COL6A3: variants seen among roughly 807,000 people sequenced by gnomAD.
The protein encoded by COL6A3 is collagen alpha-3(VI) chain.
COL6A3 carries 137 observed loss-of-function variants against 274.1 expected under a neutral mutation model. That is an observed-to-expected ratio of 0.50 (90% CI 0.44 to 0.58). The LOEUF is 0.58. COL6A3 is among the 20% of genes least tolerant of loss of function. COL6A3 has a pLI of 0.00. For missense variants in COL6A3, 3,950 were observed against 4,124.9 expected (o/e 0.96, Z 1.16); for synonymous variants, 1,650 against 1,650.6 (o/e 1.00, Z 0.01).
At chr2:237,328,278 T>C (rs6720773) in intron 42 of COL6A3, 63,055 of 151,998 alleles carry the variant, frequency 0.41, 13,338 homozygotes, top group Middle Eastern at 0.5. Flanking sequence ...AGAGAGGAAA[T>C]GGAGGCAAGC....
In COL6A3 at chr2:237,387,995, G is replaced by T. The variant is rs760470608; in HGVS notation, c.899C>A (p.Ser300Tyr). 9 of 1,613,886 alleles carry T rather than the reference G, an allele frequency of 5.6e-6. No homozygotes were observed. The East Asian group carries it at 1.6e-4, about 28-fold the overall frequency. ...PRTMFSLDTY[S>Y]TKAQVLGAVK... Reference sequence around the variant, plus strand: ...TGCACCCAGAACCTGGGCCTTGGTGGAGTAGGTGTCCAAGGAGAACATGGT... The same window carrying T: ...TGCACCCAGAACCTGGGCCTTGGTGTAGTAGGTGTCCAAGGAGAACATGGT... The change falls in exon 4 of 44, where the codon TCC (serine) becomes TAC (tyrosine). Residue 300 changes from serine (S) to tyrosine (Y), a missense_variant. Around this residue, in one of 5 missense-constraint regions of COL6A3, gnomAD observed 1,934 missense variants for 1,984.3 expected, o/e 0.97. Transcript: ENST00000295550.
In COL6A3 at chr2:237,346,665, GACTCCATCACCACGAAAAATCTCTC is replaced by G. The variant is rs559628797; in HGVS notation, c.7030-125_7030-101del. The G allele has an allele frequency of 7.5e-4, 795 of 1,054,786 alleles. 1 individual carries two copies. In the African/African-American group the frequency reaches 0.011, roughly 15 times the overall value. The allele number at this position is 1,054,786 out of a possible 1,614,324, so 65.3% of individuals were successfully genotyped here. A position where few individuals can be genotyped will look rare whatever the true frequency, so the allele number is the denominator to read the frequency against. Reference sequence around the variant, plus strand: ...ACGGTAAAAGTGATCTAACCCAAGGGACTCCATCACCACGAAAAATCTCTCACTTTAAGGGAGCTAAAATGTCTCT... The same window carrying G: ...ACGGTAAAAGTGATCTAACCCAAGGGACTTTAAGGGAGCTAAAATGTCTCT... On this transcript the variant is annotated intron_variant, in intron 31 of 43. Transcript: ENST00000295550.
At chr2:237,395,832 C>T (rs1200721213) in intron 2 of COL6A3, among the ~76,000 whole-genome samples, 1 of 152,170 alleles carries the variant, frequency 6.6e-6, no homozygotes, top group African/African-American at 2.4e-5. Context: ...GCATATTTTT[C>T]AGAGCCAGAA....
chr2:237,358,957 G>A lies in COL6A3; in HGVS notation c.6408+78C>T, dbSNP rs1253597173. Reference sequence around the variant, plus strand: ...TGGAGGAAGCGGGCTTGATGTATATGAGGAAAGAAAATAACTATTCCCTAA... The same window carrying A: ...TGGAGGAAGCGGGCTTGATGTATATAAGGAAAGAAAATAACTATTCCCTAA... On this transcript the variant is annotated intron_variant, in intron 20 of 43. Transcript: ENST00000295550. The A allele has an allele frequency of 3.3e-6, 5 of 1,535,218 alleles. No homozygotes were observed. The African/African-American group carries it at 4.1e-5, about 13-fold the overall frequency.
chr2:237,372,391 G>T, intron 8 of COL6A3, 54 bp from the exon 9 acceptor site: 2 of 1,599,698 alleles, frequency 1.3e-6, no homozygotes, highest in Non-Finnish European at 1.7e-6. Flanking sequence ...AATTCTTAGC[G>T]TTCATGAGCC....
chr2:237,397,017 TGATAGATA>T (rs60589035), intron 1 of COL6A3, among the ~76,000 whole-genome samples, 170 bp from the exon 2 acceptor site: 89 of 146,110 alleles, frequency 6.1e-4, no homozygotes, highest in Middle Eastern at 3.4e-3. Flanking sequence ...GTTAGATAGA[TGATAGATA>T]GATAGATAGA....
At chr2:237,372,415 T>C (rs1010708645) in intron 8 of COL6A3, 78 bp from the exon 9 acceptor site, 14 of 1,599,110 alleles carry the variant, frequency 8.8e-6, no homozygotes, top group Non-Finnish European at 1.2e-5. Flanking sequence ...GCCCAGTTTG[T>C]CATGGATTCA....
Position 237,368,871 on chromosome 2 carries a change from G to A in COL6A3, c.4592C>T (p.Ser1531Phe). ...CCCGTCTTCTATGCGACTCCCCGCA[G>A]ACTTAACAAAGAGGTTTCTTGCCAC... The part of the protein sequence containing the change: ...EFVARNLFVK[S>F]AGSRIEDGVP... The change falls in exon 10 of 44, where the codon TCT becomes TTT. Residue 1531 changes from serine (S) to phenylalanine (F), a missense_variant. By Grantham distance (155) the Ser-to-Phe change is radical (BLOSUM62 -2). Coordinates refer to ENST00000295550, the MANE Select transcript of COL6A3 (RefSeq NM_004369.4). The surrounding 1 kb of genome is among the most constrained non-coding windows in gnomAD (Gnocchi z 4.4). 1 of 1,614,216 alleles carries A rather than the reference G, an allele frequency of 6.2e-7. No individual in the cohort carries two copies. The highest frequency in any genetic ancestry group is 8.5e-7 in the Non-Finnish European group (1 of 1,180,022).
chr2:237,331,027 T>C (rs557499602), intron 42 of COL6A3, among the ~76,000 whole-genome samples: 5 of 152,336 alleles, frequency 3.3e-5, no homozygotes, highest in Non-Finnish European at 4.4e-5. Context: ...TACTATTTAA[T>C]ACTAAGAAAG....
chr2:237,331,290 T>A (rs1390739247), intron 42 of COL6A3, among the ~76,000 whole-genome samples: 5 of 152,108 alleles, frequency 3.3e-5, no homozygotes, highest in African/African-American at 1.2e-4. Context: ...TGGTTCATTG[T>A]CACTCCTTTT....
intron 42 of COL6A3, chr2:237,326,905 G>C (rs1329825160): frequency 1.3e-5 from 2 of 152,280 alleles, no homozygotes; most frequent in Non-Finnish European, 2.9e-5. Flanking sequence ...CTCAGAATTG[G>C]TCTAAAACAT....
intron 4 of COL6A3, among the ~76,000 whole-genome samples, chr2:237,385,272 G>A (rs936299061): frequency 6.6e-6 from 1 of 152,198 alleles, no homozygotes; most frequent in Admixed American, 6.5e-5. Context: ...GCTTGGCATA[G>A]TGTCTGGCAC....
chr2:237,352,498 G>T, intron 26 of COL6A3, 24 bp downstream of exon 26: 3 of 1,605,224 alleles, frequency 1.9e-6, no homozygotes, highest in Non-Finnish European at 2.6e-6. Context: ...GCTAGAGAGG[G>T]GGCTGGTATT....
rs1306053610 is a variant in COL6A3 at position 237,340,840 on chromosome 2, A to G, written c.8076T>C (p.Tyr2692=). The G allele has an allele frequency of 6.2e-7, 1 of 1,614,186 alleles. No homozygotes were observed. Among genetic ancestry groups the G allele is most frequent in the Admixed American group, 1.7e-5 (1 of 60,028 alleles). Residue 2692 remains tyrosine (Y), a synonymous_variant, in exon 38 of 44, where the codon TAT becomes TAC. Coordinates refer to ENST00000295550, the MANE Select transcript of COL6A3 (RefSeq NM_004369.4). Reference sequence around the variant, plus strand: ...AGTCCACCAGCTTCTCCTTGGAGCCATAGTCAGTCAGGGAGAATTCCACCT... The same window carrying G: ...AGTCCACCAGCTTCTCCTTGGAGCCGTAGTCAGTCAGGGAGAATTCCACCT... ...PVKVEFSLTD[Y]GSKEKLVDFL...
rs147262604 is a variant in COL6A3, at chr2:237,324,947, G to C, written c.9494-133C>G. 7.0e-5 allele frequency: 68 copies of C among 970,656 alleles called. No individual in the cohort carries two copies. The African/African-American group carries it at 7.3e-4, about 10-fold the overall frequency. The allele number at this position is 970,656 out of a possible 1,614,324, so 60.1% of individuals were successfully genotyped here. A position where few individuals can be genotyped will look rare whatever the true frequency, so the allele number is the denominator to read the frequency against. On this transcript the variant is annotated intron_variant, in intron 43 of 43. Transcript: ENST00000295550. Reference sequence around the variant, plus strand: ...CCGCAGCCTCTGGTTTCCATCACCTGTCCCACTTTTCTACTCAGTACCATC... The same window carrying C: ...CCGCAGCCTCTGGTTTCCATCACCTCTCCCACTTTTCTACTCAGTACCATC...
chr2:237,367,129 G>T lies in COL6A3; in HGVS notation c.5058C>A (p.Asp1686Glu). ...IQVGLVQYNS[D>E]PTDEFFLKDF... ...CCTTCAGGAAGAATTCGTCAGTGGG[G>T]TCAGAGTTGTACTGGACAAGCCCCA... Residue 1686 changes from aspartate (D) to glutamate (E), a missense_variant, in exon 11 of 44, where the codon GAC (aspartate) becomes GAA (glutamate). Physicochemically the swap from Asp to Glu is conservative, Grantham distance 45. Around this residue, in one of 5 missense-constraint regions of COL6A3, gnomAD observed 632 missense variants for 623.4 expected, o/e 1.01. Coordinates refer to ENST00000295550, the MANE Select transcript of COL6A3 (RefSeq NM_004369.4). The T allele has an allele frequency of 1.2e-6, 2 of 1,614,182 alleles. No homozygotes were observed. Among genetic ancestry groups the T allele is most frequent in the Non-Finnish European group, 1.7e-6 (2 of 1,180,046 alleles).
chr2:237,336,484 C>T lies in COL6A3; in HGVS notation c.8616G>A (p.Thr2872=), dbSNP rs1389305556. The T allele has an allele frequency of 1.9e-5, 31 of 1,614,190 alleles. No individual in the cohort carries two copies. The highest frequency in any genetic ancestry group is 6.7e-5 in the East Asian group (3 of 44,890). Residue 2872 remains threonine, a synonymous_variant, in exon 40 of 44, where the codon ACG becomes ACA. Coordinates refer to ENST00000295550, the MANE Select transcript of COL6A3 (RefSeq NM_004369.4). ...VTSSPTSNPV[T]TTKPVTTTKP... ...TCGTCGTAGTCACCGGCTTCGTTGT[C>T]GTCACTGGGTTGGATGTAGGACTTG...
intron 4 of COL6A3, among the ~76,000 whole-genome samples, chr2:237,384,583 C>T (rs2078097412): frequency 6.6e-6 from 1 of 152,122 alleles, no homozygotes; most frequent in Non-Finnish European, 1.5e-5. Context: ...CTCGGAACTC[C>T]AGACCCCCAT....
chr2:237,387,377 T>G (rs1238218437), intron 4 of COL6A3, among the ~76,000 whole-genome samples: 1 of 152,194 alleles, frequency 6.6e-6, no homozygotes, highest in Non-Finnish European at 1.5e-5. Context: ...CGTAAGAGCT[T>G]TCACTCACTC....
Sources: gnomAD v4.1 joint callset for allele counts (sites outside exome capture counted in the v4.1 genomes callset) on GRCh38, gnomAD v4.1.1 for gene constraint, gnomAD v4.1.1 regional missense constraint, Gnocchi (gnomAD v3.1) non-coding constraint, MANE v1.5 for transcripts, NCBI Gene and HGNC (gene_info 2026-07-23, HGNC 2026-07-21) for gene names.